The following DOP1A variants were observed in gnomAD, a reference collection of about 807,000 sequenced individuals.
DOP1A encodes the protein protein DOP1A.
A neutral mutation model predicts 267.6 loss-of-function variants in DOP1A; 90 were observed. The observed-to-expected ratio is 0.34, with a 90% CI of 0.28 to 0.40. The LOEUF is 0.40. DOP1A is among the 10% of genes least tolerant of loss of function. The probability of loss-of-function intolerance (pLI) is 1.00; values close to 1 mark genes in which losing one functional copy is unlikely to be tolerated. For missense variants in DOP1A, 2,437 were observed against 2,900.4 expected, an observed-to-expected ratio of 0.84 and a Z score of 3.67; for synonymous variants, 932 against 999.1, an observed-to-expected ratio of 0.93 and a Z score of 1.27.
At chr6:83,098,797 A>G (rs1771974394) in intron 3 of DOP1A, among the ~76,000 whole-genome samples, 1 of 152,186 alleles carries the variant, frequency 6.6e-6, no homozygotes, top group African/African-American at 2.4e-5. Context: ...TGATTGAAGC[A>G]TGGACAGCTG....
intron 15 of DOP1A, 74 bp from the exon 16 acceptor site, chr6:83,128,813 A>C (rs1486435127): frequency 2.0e-6 from 3 of 1,478,398 alleles, no homozygotes; most frequent in African/African-American, 2.8e-5. Flanking sequence ...AAACATCTCA[A>C]AAGTGGTCAT....
In DOP1A at chr6:83,125,017, C is replaced by T. The variant is rs546757749; in HGVS notation, c.1456-149C>T. On this transcript the variant is annotated intron_variant, in intron 13 of 38. Coordinates refer to ENST00000349129, the MANE Select transcript of DOP1A (RefSeq NM_015018.4). ...TATAAAAAATACATGGAGTAAACTT[C>T]ATAATTGCATGTTATAAAATCTTAA... 2.1e-4 allele frequency: 176 copies of T among 839,028 alleles called. 1 individual carries two copies. The highest frequency in any genetic ancestry group is 3.1e-4 in the Non-Finnish European group (166 of 540,228). 52.0% of individuals were successfully genotyped at this position (839,028 alleles called of 1,614,324 possible). A position where few individuals can be genotyped will look rare whatever the true frequency, so the allele number is the denominator to read the frequency against.
chr6:83,144,721 A>T (rs1181113678), intron 24 of DOP1A, among the ~76,000 whole-genome samples: 1 of 152,136 alleles, frequency 6.6e-6, no homozygotes, highest in East Asian at 1.9e-4. Context: ...AAATAAAATC[A>T]GGAAATAGGA....
chr6:83,130,387 A>C lies in DOP1A; in HGVS notation c.2606A>C (p.Glu869Ala), dbSNP rs766102862. 1 of 1,611,424 alleles carries C rather than the reference A, an allele frequency of 6.2e-7. No homozygotes were observed. The highest frequency in any genetic ancestry group is 1.7e-5 in the Admixed American group (1 of 59,580). ...CTGAGGTACATAGCTGAGAAGACTG[A>C]ATTTTTCAAGGTAAATTCTAAGAAA... is the stretch of plus-strand genomic sequence containing the variant. ...GNLRYIAEKT[E>A]FFKHVALTLW... Residue 869 changes from glutamate (E) to alanine (A), a missense_variant, in exon 17 of 39, where the codon GAA (glutamate) becomes GCA (alanine). Coordinates refer to ENST00000349129, the MANE Select transcript of DOP1A (RefSeq NM_015018.4).
intron 38 of DOP1A, chr6:83,166,866 A>C: frequency 1.0e-6 from 1 of 995,194 alleles, no homozygotes. Flanking sequence ...CCATTTGTTA[A>C]TATGACAGAT....
intron 27 of DOP1A, among the ~76,000 whole-genome samples, chr6:83,149,260 G>C (rs1391367835): frequency 2.6e-5 from 4 of 152,126 alleles, no homozygotes; most frequent in African/African-American, 4.8e-5. Context: ...TTTGTGTCTT[G>C]AAGTTTTCTG....
At chr6:83,155,791 T>A (rs1782670697) in intron 33 of DOP1A, among the ~76,000 whole-genome samples, 160 bp from the exon 34 acceptor site, 1 of 152,248 alleles carries the variant, frequency 6.6e-6, no homozygotes, top group African/African-American at 2.4e-5. Context: ...ATACGTTGGA[T>A]CTGTTTGCCA....
intron 1 of DOP1A, among the ~76,000 whole-genome samples, chr6:83,080,782 G>C (rs1390222490): frequency 6.6e-6 from 1 of 151,996 alleles, no homozygotes; most frequent in African/African-American, 2.4e-5. Flanking sequence ...GGTTCACCAC[G>C]GCCATTTATT....
At chr6:83,125,135 C>A in intron 13 of DOP1A, 31 bp from the exon 14 acceptor site, 1 of 1,572,240 alleles carries the variant, frequency 6.4e-7, no homozygotes, top group South Asian at 1.2e-5. Flanking sequence ...TCTGTTTTCT[C>A]TCCTCACTTC....
intron 24 of DOP1A, 66 bp from the exon 25 acceptor site, chr6:83,145,458 T>A (rs1167824493): frequency 3.2e-5 from 42 of 1,323,942 alleles, no homozygotes; most frequent in Non-Finnish European, 4.2e-5. Flanking sequence ...TAAAATACTC[T>A]CTTCTGTAAC....
At position 83,141,906 on chromosome 6, in the gene DOP1A, T is replaced by A. The variant is rs1232121440; in HGVS notation, c.5416-15T>A. 1.9e-6 allele frequency: 3 copies of A among 1,578,800 alleles called. No individual in the cohort carries two copies. The South Asian group carries it at 3.5e-5, about 19-fold the overall frequency. ...TTTTAAAAGTTTCACTTTCATTTGC[T>A]TCAAATTGTTTTAGAACTTGAGACA... On this transcript the variant is annotated splice_polypyrimidine_tract_variant and intron_variant, in intron 23 of 38. Transcript: ENST00000349129.
At chr6:83,163,052 G>C in intron 38 of DOP1A, 133 bp downstream of exon 38, 1 of 951,492 alleles carries the variant, frequency 1.1e-6, no homozygotes. Flanking sequence ...CCCCAGTTTT[G>C]AGAGTTAATG....
In DOP1A at chr6:83,113,319, T is replaced by G. The variant is rs746456823; in HGVS notation, c.682-4T>G. The stretch of plus-strand genomic sequence containing the variant: ...AATAGATGTTAAAGATGCTGTTATT[T>G]CAGGTAGAAGCAGTAAGTACTTCAG... On this transcript the variant is annotated splice_region_variant and splice_polypyrimidine_tract_variant and intron_variant, in intron 6 of 38. Transcript: ENST00000349129. 12 of 1,609,836 alleles carry G rather than the reference T, an allele frequency of 7.5e-6. No homozygotes were observed. Among genetic ancestry groups the G allele is most frequent in the Non-Finnish European group, 1.0e-5 (12 of 1,177,582 alleles).
chr6:83,077,391 G>T lies in DOP1A; in HGVS notation c.-147+9612G>T, dbSNP rs1028042258. 3.3e-5 allele frequency among the ~76,000 whole-genome samples: 5 copies of T among 152,032 alleles called. 1 individual carries two copies. The highest frequency in any genetic ancestry group is 7.4e-5 in the Non-Finnish European group (5 of 68,014). On this transcript the variant is annotated intron_variant, in intron 1 of 38. Coordinates refer to ENST00000349129, the MANE Select transcript of DOP1A (RefSeq NM_015018.4). ...AACAATTTAAAAAGGACTATAGGCT[G>T]GGCACAGTGGCTCATACCTGTAATC...
chr6:83,169,102 C>T (rs1376168397), downstream of DOP1A: 5 of 1,454,158 alleles, frequency 3.4e-6, no homozygotes, highest in Non-Finnish European at 4.5e-6. Context: ...TTAAGAAAAA[C>T]AGATCTAGAG....
intron 1 of DOP1A, among the ~76,000 whole-genome samples, chr6:83,076,437 G>C (rs1034317117): frequency 6.6e-6 from 1 of 152,084 alleles, no homozygotes; most frequent in African/African-American, 2.4e-5. Context: ...CAAGGGAATC[G>C]CTTGGACCTG....
In DOP1A at chr6:83,120,711, G is replaced by T; in HGVS notation, c.1019G>T (p.Gly340Val). Reference sequence around the variant, plus strand: ...ATGGTGGGAATCTTACAAGTGAATGGATTTGGAGAAGAGAACACTCTAATG... The same window carrying T: ...ATGGTGGGAATCTTACAAGTGAATGTATTTGGAGAAGAGAACACTCTAATG... Reference protein sequence around the residue: ...QAMVGILQVNGFGEENTLMQD... With the variant: ...QAMVGILQVNVFGEENTLMQD... The change falls in exon 10 of 39, where the codon GGA becomes GTA. Residue 340 changes from glycine (G) to valine (V), a missense_variant. Coordinates refer to ENST00000349129, the MANE Select transcript of DOP1A (RefSeq NM_015018.4). The T allele has an allele frequency of 6.3e-7, 1 of 1,585,236 alleles. No individual in the cohort carries two copies. Among genetic ancestry groups the T allele is most frequent in the Non-Finnish European group, 8.6e-7 (1 of 1,158,956 alleles).
rs116584626 is a variant in DOP1A at position 83,110,386 on chromosome 6, T to G, written c.681+72T>G. On this transcript the variant is annotated intron_variant, in intron 6 of 38. Transcript: ENST00000349129. ...GTCAGGCACTATTCCAGACATATAT[T>G]GAGGATTGTATAATGAACAAAGTTC... 1.1e-3 allele frequency: 1,551 copies of G among 1,456,876 alleles called. 18 individuals are homozygous for G. In the African/African-American group the frequency reaches 0.019, roughly 18 times the overall value. 90.2% of individuals were successfully genotyped at this position (1,456,876 alleles called of 1,614,324 possible).
intron 38 of DOP1A, chr6:83,167,312 C>G: frequency 1.0e-6 from 1 of 985,568 alleles, no homozygotes; most frequent in Non-Finnish European, 1.2e-6. Flanking sequence ...ACAGCAGTGT[C>G]TCCTGAGGGA....
Sources: gnomAD v4.1 joint callset for allele counts (sites outside exome capture counted in the v4.1 genomes callset) on GRCh38, gnomAD v4.1.1 for gene constraint, MANE v1.5 for transcripts, NCBI Gene and HGNC (gene_info 2026-07-23, HGNC 2026-07-21) for gene names.